RPS6KA2: variants seen among roughly 807,000 people sequenced by gnomAD.
RPS6KA2 encodes the protein ribosomal protein S6 kinase alpha-2.
Under a neutral mutation model 91.8 loss-of-function variants are expected in RPS6KA2, and 42 were observed. The observed-to-expected ratio is 0.46, with a 90% CI of 0.36 to 0.59. RPS6KA2 has a LOEUF of 0.59. Ranked by LOEUF, RPS6KA2 falls within the 20% of genes least tolerant of loss-of-function variation. The pLI, the probability that RPS6KA2 is intolerant of heterozygous loss-of-function variation, is 0.00. For missense variants in RPS6KA2, 798 were observed against 978.5 expected, an observed-to-expected ratio of 0.82 and a Z score of 2.46; for synonymous variants, 414 against 393.6, an observed-to-expected ratio of 1.05 and a Z score of -0.61.
intron 1 of RPS6KA2, among the ~76,000 whole-genome samples, chr6:166,545,791 T>C (rs1163207032): frequency 6.6e-6 from 1 of 152,214 alleles, no homozygotes; most frequent in Non-Finnish European, 1.5e-5. Flanking sequence ...GGTATTTTTA[T>C]AAATCACAGT....
intron 2 of RPS6KA2, chr6:166,757,737 C>T (rs1778058322): frequency 6.1e-6 from 2 of 329,050 alleles, no homozygotes; most frequent in African/African-American, 4.4e-5. Context: ...CACCCCTCTC[C>T]AGGCAGCCAC....
rs150811736 is a variant in RPS6KA2 at position 166,609,705 on chromosome 6, G to A, written c.99+17216C>T. Among the ~76,000 whole-genome samples the A allele has an allele frequency of 3.0e-3, 451 of 152,140 alleles. 2 individuals carry two copies. Among genetic ancestry groups the A allele is most frequent in the African/African-American group, 0.011 (437 of 41,502 alleles). On this transcript the variant is annotated intron_variant, in intron 1 of 20. Coordinates refer to ENST00000265678, the MANE Select transcript of RPS6KA2 (RefSeq NM_021135.6). The stretch of plus-strand genomic sequence containing the variant: ...AGTAGAGACGGGGCTTCACCATGTT[G>A]GTCAGGCTGGTCTCGAACTCCTGAC...
rs1778808650 is a variant in RPS6KA2, at chr6:166,423,605, C to T, written c.1582-188G>A. 6.6e-6 allele frequency among the ~76,000 whole-genome samples: 1 copy of T among 152,194 alleles called. No homozygotes were observed. The highest frequency in any genetic ancestry group is 1.5e-5 in the Non-Finnish European group (1 of 68,036). ...AGGGCCCCCCACCTTCTCCCATTCT[C>T]CTGTGGTGGTCACTCACTTCTGAGC... On this transcript the variant is annotated intron_variant, in intron 16 of 20. Transcript: ENST00000265678. The surrounding 1 kb of genome is among the most constrained non-coding windows in gnomAD (Gnocchi z 4.8).
chr6:166,768,019 A>G (rs1778367608), intron 2 of RPS6KA2, among the ~76,000 whole-genome samples: 1 of 152,190 alleles, frequency 6.6e-6, no homozygotes, highest in African/African-American at 2.4e-5. Context: ...TGTCCTTCCA[A>G]TACCAGGAAA....
chr6:166,763,238 C>A (rs116271784), intron 2 of RPS6KA2, among the ~76,000 whole-genome samples: 2,243 of 152,276 alleles, frequency 0.015, 69 homozygotes, highest in African/African-American at 0.052. Context: ...ATTTTAAATT[C>A]TTTTGGAGTC....
In RPS6KA2 at chr6:166,445,880, A is replaced by C. The variant is rs2128452893; in HGVS notation, c.1332+2844T>G. ...TCTCGGCTGGACATCTGCTGAGCTG[A>C]GATCCAACTCACACATCAGATAATC... On this transcript the variant is annotated intron_variant, in intron 14 of 20. Transcript: ENST00000265678. The surrounding 1 kb of genome is among the most constrained non-coding windows in gnomAD (Gnocchi z 4.5). 6.6e-6 allele frequency among the ~76,000 whole-genome samples: 1 copy of C among 152,322 alleles called. No individual in the cohort carries two copies. Among genetic ancestry groups the C allele is most frequent in the East Asian group, 1.9e-4 (1 of 5,180 alleles).
intron 2 of RPS6KA2, among the ~76,000 whole-genome samples, chr6:166,642,357 G>A (rs189141609): frequency 1.8e-3 from 279 of 152,220 alleles, no homozygotes; most frequent in African/African-American, 6.0e-3. Context: ...GTAAACAATC[G>A]AAGAAAATTC....
At chr6:166,715,010 A>G (rs993471937) in intron 2 of RPS6KA2, among the ~76,000 whole-genome samples, 1 of 152,226 alleles carries the variant, frequency 6.6e-6, no homozygotes, top group Non-Finnish European at 1.5e-5. Context: ...CACCCTGAGG[A>G]AACTCCCTCT....
rs1788332628 is a variant in RPS6KA2, at chr6:166,666,877, A to G, written c.124-128093T>C. On this transcript the variant is annotated intron_variant, in intron 2 of 21. Transcript: ENST00000503859. The surrounding 1 kb of genome is among the most constrained non-coding windows in gnomAD (Gnocchi z 4.0). ...AAAGATGGAAGCAACCTCAGTGTTC[A>G]TTGGTGGATGGATGGGTAGCAGAGT... is the stretch of plus-strand genomic sequence containing the variant. Among the ~76,000 whole-genome samples the G allele has an allele frequency of 6.6e-6, 1 of 152,222 alleles. No homozygotes were observed. The highest frequency in any genetic ancestry group is 1.5e-5 in the Non-Finnish European group (1 of 68,036).
rs1204713048 is a variant in RPS6KA2 at position 166,622,559 on chromosome 6, CA to C, written c.99+4361del. Among the ~76,000 whole-genome samples the C allele has an allele frequency of 3.3e-5, 5 of 152,232 alleles. No homozygotes were observed. The East Asian group carries it at 9.7e-4, about 29-fold the overall frequency. ...CCACCCAAGATCTAGAAGAAGAGCT[CA>C]CCTATCATGCCCCAAGAATAAGCCT... On this transcript the variant is annotated intron_variant, in intron 1 of 20. Coordinates refer to ENST00000265678, the MANE Select transcript of RPS6KA2 (RefSeq NM_021135.6).
intron 2 of RPS6KA2, among the ~76,000 whole-genome samples, chr6:166,856,573 A>G (rs1780909897): frequency 6.6e-6 from 1 of 152,190 alleles, no homozygotes; most frequent in Non-Finnish European, 1.5e-5. Context: ...TGCTCCACCC[A>G]TCCTGGCTCA....
intron 2 of RPS6KA2, among the ~76,000 whole-genome samples, chr6:166,828,423 G>A (rs1029703085): frequency 2.0e-5 from 3 of 152,218 alleles, no homozygotes; most frequent in Admixed American, 6.5e-5. Context: ...GGCTCATGCC[G>A]TATCTGCCCT....
At chr6:166,690,815 G>GAATTCTC (rs1789186469) in intron 2 of RPS6KA2, among the ~76,000 whole-genome samples, 1 of 152,150 alleles carries the variant, frequency 6.6e-6, no homozygotes, top group Admixed American at 6.5e-5. Context: ...GCAAGTCTTA[G>GAATTCTC]AATTCTCATT....
chr6:166,415,784 A>G (rs959259265), intron 19 of RPS6KA2, among the ~76,000 whole-genome samples: 1 of 152,094 alleles, frequency 6.6e-6, no homozygotes, highest in East Asian at 1.9e-4. Flanking sequence ...AGGGTCTGAC[A>G]TCTGGGATAT....
At chr6:166,417,651 ACG>A (rs1274618440) in intron 19 of RPS6KA2, among the ~76,000 whole-genome samples, 25 of 145,534 alleles carry the variant, frequency 1.7e-4, no homozygotes, top group South Asian at 6.7e-4. Context: ...ACACACACAC[ACG>A]CACGCATGTT....
intron 1 of RPS6KA2, among the ~76,000 whole-genome samples, chr6:166,541,804 C>G (rs1257208595): frequency 1.3e-5 from 2 of 152,130 alleles, no homozygotes; most frequent in Admixed American, 1.3e-4. Flanking sequence ...TTCTTTCTGT[C>G]AAAGTATTGA....
At chr6:166,605,091 C>G (rs1562336499) in intron 1 of RPS6KA2, among the ~76,000 whole-genome samples, 1 of 152,226 alleles carries the variant, frequency 6.6e-6, no homozygotes, top group Non-Finnish European at 1.5e-5. Flanking sequence ...TCCCTCTTGC[C>G]TCTCCTAGAA....
chr6:166,804,257 T>C (rs1230948244), intron 2 of RPS6KA2, among the ~76,000 whole-genome samples: 1 of 152,014 alleles, frequency 6.6e-6, no homozygotes, highest in Non-Finnish European at 1.5e-5. Context: ...CCCATAAAAA[T>C]AAAGTTCAAT....
At chr6:166,807,364 T>A (rs996135377) in intron 2 of RPS6KA2, among the ~76,000 whole-genome samples, 4 of 152,176 alleles carry the variant, frequency 2.6e-5, no homozygotes, top group Non-Finnish European at 4.4e-5. Flanking sequence ...TGACTCTGCC[T>A]TCCAAATATA....
Sources: gnomAD v4.1 joint callset for allele counts (sites outside exome capture counted in the v4.1 genomes callset) on GRCh38, gnomAD v4.1.1 for gene constraint, Gnocchi (gnomAD v3.1) non-coding constraint, MANE v1.5 for transcripts, NCBI Gene and HGNC (gene_info 2026-07-23, HGNC 2026-07-21) for gene names.